KAZN: variants seen among roughly 807,000 people sequenced by gnomAD.
KAZN encodes the protein kazrin.
Under a neutral mutation model 87.4 loss-of-function variants are expected in KAZN, and 40 were observed. The observed-to-expected ratio is 0.46, with a 90% CI of 0.36 to 0.60. The LOEUF (loss-of-function observed/expected upper bound fraction) is 0.60, where lower values mean the gene tolerates loss of function less well. Among genes scored for constraint, KAZN ranks in the 20% least tolerant of loss-of-function variants. The pLI is 0.00. For synonymous variants in KAZN, 466 were observed against 458.3 expected, an observed-to-expected ratio of 1.02 and a Z score of -0.22; for missense variants, 898 against 1,073.9, an observed-to-expected ratio of 0.84 and a Z score of 2.29.
chr1:13,995,219 CAAAA>C (rs113600200), intron 1 of KAZN, among the ~76,000 whole-genome samples: 2 of 107,388 alleles, frequency 1.9e-5, no homozygotes, highest in Non-Finnish European at 4.0e-5. Context: ...TGCAATAAGG[CAAAA>C]AAAAAAAAAA....
In KAZN at chr1:14,738,929, G is replaced by A. The variant is rs191458636; in HGVS notation, c.226+139706G>A. ...GGCTCATGTCTGTAATCCCAGCACG[G>A]TGGGAGGCCAAGGCAGGAGGATTGC... On this transcript the variant is annotated intron_variant, in intron 1 of 14. Transcript: ENST00000376030. 4.6e-4 allele frequency among the ~76,000 whole-genome samples: 70 copies of A among 152,282 alleles called. 1 individual carries two copies. Among genetic ancestry groups the A allele is most frequent in the Admixed American group, 1.5e-3 (23 of 15,298 alleles).
At chr1:14,564,061 G>T (rs148411157) in intron 2 of KAZN, among the ~76,000 whole-genome samples, 3,298 of 151,736 alleles carry the variant, frequency 0.022, 52 homozygotes, top group Non-Finnish European at 0.031. Context: ...TAGAGACAGG[G>T]TTTCACCATG....
At chr1:14,435,154 T>G (rs1666307555) in intron 2 of KAZN, among the ~76,000 whole-genome samples, 1 of 152,110 alleles carries the variant, frequency 6.6e-6, no homozygotes, top group African/African-American at 2.4e-5. Context: ...TCGGTGGCGC[T>G]CGTGGTCTTC....
At chr1:13,906,894 G>C (rs1384219716) in intron 1 of KAZN, among the ~76,000 whole-genome samples, 2 of 152,186 alleles carry the variant, frequency 1.3e-5, no homozygotes, top group Admixed American at 6.5e-5. Flanking sequence ...CCTAGCGACA[G>C]TCAGGCAAAC....
intron 1 of KAZN, among the ~76,000 whole-genome samples, chr1:14,951,445 CT>C (rs56820982): frequency 7.3e-5 from 11 of 151,084 alleles, no homozygotes; most frequent in Admixed American, 2.6e-4. Context: ...GTGTCTCTGT[CT>C]TTTTTTTTAA....
At chr1:14,445,876 C>T (rs576852186) in intron 2 of KAZN, among the ~76,000 whole-genome samples, 17 of 152,220 alleles carry the variant, frequency 1.1e-4, no homozygotes, top group Admixed American at 3.3e-4. Context: ...AAAACCCTTA[C>T]GCTGAGCATT....
intron 1 of KAZN, among the ~76,000 whole-genome samples, chr1:13,924,283 TA>T (rs1224040837): frequency 2.6e-5 from 4 of 152,210 alleles, no homozygotes; most frequent in Non-Finnish European, 4.4e-5. Context: ...AAACTGTAAT[TA>T]AAAAATTTTA....
intron 2 of KAZN, among the ~76,000 whole-genome samples, chr1:14,413,064 T>G (rs999092862): frequency 1.7e-4 from 25 of 149,420 alleles, no homozygotes; most frequent in Non-Finnish European, 2.2e-4. Context: ...CATTCTACTT[T>G]GGGTCATTGA....
intron 1 of KAZN, 113 bp from the exon 2 acceptor site, chr1:14,960,571 G>A: frequency 9.1e-7 from 1 of 1,094,800 alleles, no homozygotes; most frequent in South Asian, 1.5e-5. Flanking sequence ...TGTAGGAAAG[G>A]CCCTGAATGC....
chr1:15,060,087 G>C, intron 5 of KAZN, 85 bp from the exon 6 acceptor site: 1 of 1,545,994 alleles, frequency 6.5e-7, no homozygotes, highest in African/African-American at 1.4e-5. Context: ...TGTAGAACGG[G>C]GGTGTTGGGT....
intron 13 of KAZN, among the ~76,000 whole-genome samples, chr1:15,105,586 A>G (rs927433013): frequency 6.6e-6 from 1 of 151,900 alleles, no homozygotes; most frequent in African/African-American, 2.4e-5. Flanking sequence ...CAGCCTATCT[A>G]AAGGTTTGTT....
At chr1:14,476,346 C>G (rs967515260) in intron 2 of KAZN, among the ~76,000 whole-genome samples, 1 of 152,354 alleles carries the variant, frequency 6.6e-6, no homozygotes, top group African/African-American at 2.4e-5. Flanking sequence ...TTCAAGTGAA[C>G]TTTATCATCC....
intron 1 of KAZN, among the ~76,000 whole-genome samples, chr1:13,907,855 T>C (rs1178885598): frequency 6.6e-6 from 1 of 152,182 alleles, no homozygotes; most frequent in Non-Finnish European, 1.5e-5. Flanking sequence ...GGATGATACT[T>C]CTTGTGCCCC....
intron 2 of KAZN, among the ~76,000 whole-genome samples, chr1:14,589,138 G>A (rs1401212458): frequency 6.6e-6 from 1 of 152,094 alleles, no homozygotes; most frequent in East Asian, 1.9e-4. Flanking sequence ...GCTGTTCCTG[G>A]GTGAAGCTGT....
At chr1:14,653,906 C>G (rs187275293) in intron 1 of KAZN, among the ~76,000 whole-genome samples, 1 of 152,342 alleles carries the variant, frequency 6.6e-6, no homozygotes, top group Admixed American at 6.5e-5. Context: ...GCCCTGCACA[C>G]TGTAGCATGT....
rs142190328 is a variant in KAZN at position 14,612,840 on chromosome 1, C to G, written c.226+13617C>G. 7.0e-3 allele frequency among the ~76,000 whole-genome samples: 1,070 copies of G among 152,304 alleles called. 14 individuals are homozygous for G. The highest frequency in any genetic ancestry group is 0.024 in the African/African-American group (991 of 41,572). On this transcript the variant is annotated intron_variant, in intron 1 of 14. Coordinates refer to ENST00000376030, the MANE Select transcript of KAZN (RefSeq NM_201628.3). Reference sequence around the variant, plus strand: ...GCTTGGGATCTGCTGGTTTAAGGGACTAACATACTGTGCCTGGCATGGAGT... The same window carrying G: ...GCTTGGGATCTGCTGGTTTAAGGGAGTAACATACTGTGCCTGGCATGGAGT...
chr1:14,784,969 C>CTTTTT (rs143932268), intron 1 of KAZN, among the ~76,000 whole-genome samples: 1 of 136,090 alleles, frequency 7.3e-6, no homozygotes, highest in African/African-American at 2.7e-5. Context: ...AGACTGCTTA[C>CTTTTT]TTTTTTTTTT....
intron 1 of KAZN, among the ~76,000 whole-genome samples, chr1:14,651,403 A>T (rs1254153901): frequency 1.3e-5 from 2 of 152,226 alleles, no homozygotes; most frequent in East Asian, 3.9e-4. Context: ...TTTAACTTTG[A>T]CATCTGTCTT....
intron 2 of KAZN, among the ~76,000 whole-genome samples, chr1:14,217,879 G>T (rs550184056): frequency 7.2e-5 from 11 of 152,198 alleles, no homozygotes; most frequent in Non-Finnish European, 1.5e-4. Context: ...TAAGGAAATA[G>T]AATAATATAT....
Sources: gnomAD v4.1 joint callset for allele counts (sites outside exome capture counted in the v4.1 genomes callset) on GRCh38, gnomAD v4.1.1 for gene constraint, MANE v1.5 for transcripts, NCBI Gene and HGNC (gene_info 2026-07-23, HGNC 2026-07-21) for gene names.